Variants in PARD3B observed in about 807,000 individuals in gnomAD.
The protein encoded by PARD3B is par-3 family cell polarity regulator beta.
Under a neutral mutation model 130.2 loss-of-function variants are expected in PARD3B, and 103 were observed. That is an observed-to-expected ratio of 0.79 (90% confidence interval 0.67 to 0.93). The LOEUF (loss-of-function observed/expected upper bound fraction) is 0.93, where lower values mean the gene tolerates loss of function less well. PARD3B is among the 40% of genes least tolerant of loss of function. The pLI is 0.00. For synonymous variants in PARD3B, 583 were observed against 553.2 expected, an observed-to-expected ratio of 1.05 and a Z score of -0.76; for missense variants, 1,609 against 1,499.2, an observed-to-expected ratio of 1.07 and a Z score of -1.21.
intron 18 of PARD3B, among the ~76,000 whole-genome samples, chr2:205,382,167 G>T (rs938941441): frequency 6.6e-6 from 1 of 151,914 alleles, no homozygotes; most frequent in South Asian, 2.1e-4. Flanking sequence ...TCTAATCCAG[G>T]ATACAACATT....
chr2:205,035,821 C>CTATATA (rs1559374232), intron 3 of PARD3B, among the ~76,000 whole-genome samples: 72 of 5,780 alleles, frequency 0.012, 2 homozygotes, highest in African/African-American at 0.042. Context: ...ATATATATAT[C>CTATATA]TATATATCTA....
rs766525962 is a variant in PARD3B, at chr2:205,047,670, A to T, written c.484A>T (p.Ser162Cys). ...QPSASHPGGQ[S>C]LKLVVPDSTQ... Reference sequence around the variant, plus strand: ...AAGCGCTTCACACCCTGGTGGCCAGAGTCTGAAACTGGTTGTTCCAGTAGG... The same window carrying T: ...AAGCGCTTCACACCCTGGTGGCCAGTGTCTGAAACTGGTTGTTCCAGTAGG... The change falls in exon 4 of 23, where the codon AGT becomes TGT. Residue 162 changes from serine to cysteine, a missense_variant. Ser to Cys is a moderately radical substitution (Grantham distance 112, BLOSUM62 -1). Transcript: ENST00000406610. 9.7e-6 allele frequency: 15 copies of T among 1,548,948 alleles called. No individual in the cohort carries two copies. Among genetic ancestry groups the T allele is most frequent in the Non-Finnish European group, 1.0e-5 (12 of 1,144,828 alleles).
chr2:204,997,663 T>C (rs1052405525), intron 3 of PARD3B, among the ~76,000 whole-genome samples: 1 of 152,094 alleles, frequency 6.6e-6, no homozygotes, highest in African/African-American at 2.4e-5. Flanking sequence ...TCATCTATGA[T>C]TGACTATTCT....
intron 4 of PARD3B, among the ~76,000 whole-genome samples, chr2:205,077,050 G>A (rs1701111235): frequency 6.6e-6 from 1 of 152,092 alleles, no homozygotes; most frequent in Non-Finnish European, 1.5e-5. Flanking sequence ...TAGCAACAAA[G>A]TTGCCCCTGA....
At chr2:204,911,876 T>C (rs2047249708) in intron 2 of PARD3B, among the ~76,000 whole-genome samples, 1 of 152,248 alleles carries the variant, frequency 6.6e-6, no homozygotes, top group Non-Finnish European at 1.5e-5. Flanking sequence ...TATACAACTT[T>C]TGTTTGTCAA....
rs556719202 is a variant in PARD3B, at chr2:204,961,763, A to C, written c.223-3389A>C. Among the ~76,000 whole-genome samples, 411 of 152,276 alleles carry C rather than the reference A, an allele frequency of 2.7e-3. 1 individual carries two copies. The highest frequency in any genetic ancestry group is 9.0e-3 in the African/African-American group (373 of 41,562). Reference sequence around the variant, plus strand: ...GGTGCCCTGGAATCCAAGTGCAGAAAGTACTTTGAGAAGGCAGTAATCACC... The same window carrying C: ...GGTGCCCTGGAATCCAAGTGCAGAACGTACTTTGAGAAGGCAGTAATCACC... On this transcript the variant is annotated intron_variant, in intron 2 of 22. Transcript: ENST00000406610.
intron 18 of PARD3B, among the ~76,000 whole-genome samples, chr2:205,380,592 A>T (rs1374983419): frequency 1.1e-5 from 1 of 94,906 alleles, no homozygotes; most frequent in African/African-American, 4.6e-5. Context: ...TATTATATAT[A>T]ATATATAAAG....
intron 18 of PARD3B, among the ~76,000 whole-genome samples, chr2:205,344,174 T>C (rs1303528970): frequency 7.0e-6 from 1 of 143,176 alleles, no homozygotes; most frequent in Non-Finnish European, 1.5e-5. Context: ...GCTTTGAAGG[T>C]GGGAAATGTG....
intron 22 of PARD3B, among the ~76,000 whole-genome samples, chr2:205,614,811 C>G (rs1242133941): frequency 6.6e-6 from 1 of 151,950 alleles, no homozygotes; most frequent in Non-Finnish European, 1.5e-5. Context: ...GAATCCACAC[C>G]AAGATGTAAC....
At chr2:205,467,535 A>G (rs2048670710) in intron 20 of PARD3B, among the ~76,000 whole-genome samples, 2 of 152,232 alleles carry the variant, frequency 1.3e-5, no homozygotes, top group Non-Finnish European at 2.9e-5. Flanking sequence ...ATTTAACTCA[A>G]TATATGCAAA....
At chr2:205,216,674 A>G (rs2037927313) in intron 15 of PARD3B, among the ~76,000 whole-genome samples, 1 of 152,182 alleles carries the variant, frequency 6.6e-6, no homozygotes, top group African/African-American at 2.4e-5. Context: ...ACCTGGAAAG[A>G]CAAATAAGAA....
At chr2:205,528,290 G>C (rs968979723) in intron 21 of PARD3B, among the ~76,000 whole-genome samples, 1 of 152,152 alleles carries the variant, frequency 6.6e-6, no homozygotes, top group Admixed American at 6.6e-5. Context: ...TATTTAAGAA[G>C]TCATGCACAT....
In PARD3B at chr2:205,113,586, T is replaced by C. The variant is rs375655690; in HGVS notation, c.680+9T>C. On this transcript the variant is annotated intron_variant, in intron 6 of 22. Transcript: ENST00000406610. Reference sequence around the variant, plus strand: ...TCATCTCTGAGTGGAAGGTAAGATGTTTTTCTCATTCCAGAAGCTCATGCT... The same window carrying C: ...TCATCTCTGAGTGGAAGGTAAGATGCTTTTCTCATTCCAGAAGCTCATGCT... The C allele has an allele frequency of 3.1e-6, 5 of 1,602,104 alleles. No individual in the cohort carries two copies. The African/African-American group carries it at 6.7e-5, about 22-fold the overall frequency.
At chr2:204,593,506 G>T (rs896757846) in intron 1 of PARD3B, among the ~76,000 whole-genome samples, 2 of 152,128 alleles carry the variant, frequency 1.3e-5, no homozygotes, top group Non-Finnish European at 2.9e-5. Context: ...GCAAATTTTC[G>T]AATAGTTTGC....
At position 205,125,889 on chromosome 2, in the gene PARD3B, ATCGCATTTTT is replaced by A; in HGVS notation, c.1434+153_1434+162del. 14 of 1,090,444 alleles carry A rather than the reference ATCGCATTTTT, an allele frequency of 1.3e-5. No homozygotes were observed. Among genetic ancestry groups the A allele is most frequent in the Non-Finnish European group, 1.8e-5 (14 of 769,414 alleles). 67.5% of individuals were successfully genotyped at this position (1,090,444 alleles called of 1,614,324 possible). A position where few individuals can be genotyped will look rare whatever the true frequency, so the allele number is the denominator to read the frequency against. On this transcript the variant is annotated intron_variant, in intron 10 of 22. Coordinates refer to ENST00000406610, the MANE Select transcript of PARD3B (RefSeq NM_001302769.2). The surrounding 1 kb of genome is among the most constrained non-coding windows in gnomAD (Gnocchi z 4.0). ...CAGGGTATTTTACCCCATTTGGGGT[ATCGCATTTTT>A]AAAACATTGATACAGCCAGTGGGTA...
At chr2:205,063,917 G>A (rs1700203834) in intron 4 of PARD3B, among the ~76,000 whole-genome samples, 1 of 143,844 alleles carries the variant, frequency 7.0e-6, no homozygotes, top group Admixed American at 6.8e-5. Flanking sequence ...TACAAGTAGA[G>A]ATGCTTGGAA....
In PARD3B at chr2:205,525,824, T is replaced by C. The variant is rs2051312576; in HGVS notation, c.3180+25793T>C. On this transcript the variant is annotated intron_variant, in intron 21 of 22. Transcript: ENST00000406610. This position sits in a 1 kb window ranked among gnomAD's most constrained non-coding sequence, Gnocchi z 4.2. ...CTTCCAGCCCCTTCGCTACAGCAGA[T>C]ATGATTACTTGGATTCTGCCTATGG... Among the ~76,000 whole-genome samples, 3 of 152,310 alleles carry C rather than the reference T, an allele frequency of 2.0e-5. No individual in the cohort carries two copies. The highest frequency in any genetic ancestry group is 7.2e-5 in the African/African-American group (3 of 41,582).
chr2:205,184,728 C>T (rs1367834281), intron 13 of PARD3B, among the ~76,000 whole-genome samples: 3 of 151,446 alleles, frequency 2.0e-5, no homozygotes, highest in East Asian at 1.9e-4. Flanking sequence ...GGTGGCAGAG[C>T]GAGACTCCAT....
chr2:204,917,193 G>T (rs1559256650), intron 2 of PARD3B, among the ~76,000 whole-genome samples: 2 of 152,126 alleles, frequency 1.3e-5, no homozygotes, highest in South Asian at 4.1e-4. Context: ...GGAGTTGGTG[G>T]GTGGGTGGAT....
Sources: allele counts gnomAD v4.1 joint callset (sites outside exome capture counted in the v4.1 genomes callset), GRCh38; gene constraint gnomAD v4.1.1; non-coding constraint Gnocchi (gnomAD v3.1); transcripts MANE v1.5; gene names NCBI Gene and HGNC (gene_info 2026-07-23, HGNC 2026-07-21).